The following ELAPOR2 variants were observed in gnomAD, a reference collection of about 807,000 sequenced individuals.
The protein encoded by ELAPOR2 is endosome-lysosome associated apoptosis and autophagy regulator family member 2, also known as endosome/lysosome-associated apoptosis and autophagy regulator family member 2.
In ELAPOR2, 89 loss-of-function variants were observed where a neutral mutation model predicts 120.7. The ratio of observed to expected loss-of-function variants is 0.74; its 90% confidence interval spans 0.62 to 0.88. ELAPOR2 has a LOEUF of 0.88. Among genes scored for constraint, ELAPOR2 ranks in the 40% least tolerant of loss-of-function variants. ELAPOR2 has a pLI of 0.00. For missense variants in ELAPOR2, 1,134 were observed against 1,251.6 expected, an observed-to-expected ratio of 0.91 and a Z score of 1.42; for synonymous variants, 444 against 444.9, an observed-to-expected ratio of 1.00 and a Z score of 0.03.
rs755803703 is a variant in ELAPOR2, at chr7:86,926,839, A to T, written c.1167T>A (p.Ser389=). 2.5e-6 allele frequency: 4 copies of T among 1,608,886 alleles called. No individual in the cohort carries two copies. In the African/African-American group the frequency reaches 5.4e-5, roughly 22 times the overall value. Residue 389 remains serine (S), a synonymous_variant, in exon 9 of 22, where the codon TCT becomes TCA. Coordinates refer to ENST00000450689, the MANE Select transcript of ELAPOR2 (RefSeq NM_001142749.3). ...DLTDAIRLPP[S]GEKKDCPPCN... is the part of the protein sequence containing the mutation. ...AAGGCGGACAATCCTTCTTCTCTCCAGAAGGGGGCAATCTAATAGCATCTG... is the reference window on the plus strand; with the variant it reads ...AAGGCGGACAATCCTTCTTCTCTCCTGAAGGGGGCAATCTAATAGCATCTG...
intron 20 of ELAPOR2, 100 bp downstream of exon 20, chr7:86,892,822 T>C: frequency 9.0e-7 from 1 of 1,108,342 alleles, no homozygotes; most frequent in Non-Finnish European, 1.2e-6. Flanking sequence ...TTCTTGTGTC[T>C]CTGAGAGAAT....
Position 87,043,934 on chromosome 7 carries a change from A to G in ELAPOR2, c.189+15391T>C, listed in dbSNP as rs887213079. On this transcript the variant is annotated intron_variant, in intron 1 of 21. Coordinates refer to ENST00000450689, the MANE Select transcript of ELAPOR2 (RefSeq NM_001142749.3). ...AAGTCTCAGGATACAAAATCAGTGTACAAAAATCACAAGCATTCTTATACA... is the reference window on the plus strand; with the variant it reads ...AAGTCTCAGGATACAAAATCAGTGTGCAAAAATCACAAGCATTCTTATACA... Among the ~76,000 whole-genome samples, 15 of 151,972 alleles carry G rather than the reference A, an allele frequency of 9.9e-5. No individual in the cohort carries two copies. In the South Asian group the frequency reaches 3.1e-3, roughly 32 times the overall value.
At chr7:86,889,018 G>A (rs1360362055) in intron 21 of ELAPOR2, among the ~76,000 whole-genome samples, 3 of 152,070 alleles carry the variant, frequency 2.0e-5, no homozygotes, top group Non-Finnish European at 4.4e-5. Context: ...AGTCATAAGA[G>A]ATCTTCAACT....
chr7:86,878,486 C>T lies in ELAPOR2; in HGVS notation c.*1985G>A, dbSNP rs575733625. 6.6e-6 allele frequency: 1 copy of T among 152,134 alleles called. No individual in the cohort carries two copies. The highest frequency in any genetic ancestry group is 1.5e-5 in the Non-Finnish European group (1 of 68,024). 9.4% of individuals were successfully genotyped at this position (152,134 alleles called of 1,614,324 possible). On this transcript the variant is annotated 3_prime_UTR_variant, in exon 22 of 22. Transcript: ENST00000450689. The stretch of plus-strand genomic sequence containing the variant: ...CATGTCAGAGATTTTAGTCCAGTGA[C>T]AGGAGAAGAAAGAAGCTACCTGGGA...
At chr7:87,043,204 C>A (rs999811105) in intron 1 of ELAPOR2, among the ~76,000 whole-genome samples, 7 of 151,634 alleles carry the variant, frequency 4.6e-5, no homozygotes, top group Non-Finnish European at 1.0e-4. Context: ...TGGTACCATT[C>A]CTTCTGAAAC....
chr7:86,924,479 A>T (rs568048769), intron 10 of ELAPOR2, among the ~76,000 whole-genome samples: 1 of 151,274 alleles, frequency 6.6e-6, no homozygotes, highest in Non-Finnish European at 1.5e-5. Flanking sequence ...ATAGGACTTA[A>T]TTTTCTCAAT....
intron 13 of ELAPOR2, among the ~76,000 whole-genome samples, chr7:86,913,976 T>C (rs568566545): frequency 2.6e-5 from 4 of 152,298 alleles, no homozygotes; most frequent in Non-Finnish European, 5.9e-5. Context: ...GATGGTTATC[T>C]TAACCTTCAT....
At chr7:86,913,899 C>T (rs551782486) in intron 13 of ELAPOR2, among the ~76,000 whole-genome samples, 61 of 152,164 alleles carry the variant, frequency 4.0e-4, no homozygotes, top group Non-Finnish European at 7.9e-4. Flanking sequence ...CTACTTAATG[C>T]TTTTTGTCTG....
chr7:87,001,537 C>T (rs1423159149), intron 1 of ELAPOR2, among the ~76,000 whole-genome samples: 1 of 152,096 alleles, frequency 6.6e-6, no homozygotes, highest in East Asian at 1.9e-4. Context: ...CTCAAAGATC[C>T]ACAACATCAA....
chr7:86,989,015 T>C (rs1264688329), intron 1 of ELAPOR2, among the ~76,000 whole-genome samples: 1 of 152,174 alleles, frequency 6.6e-6, no homozygotes, highest in Non-Finnish European at 1.5e-5. Context: ...CAACCTAACT[T>C]AGAGTATTAT....
At chr7:87,036,506 AC>A (rs1317119295) in intron 1 of ELAPOR2, among the ~76,000 whole-genome samples, 1 of 152,188 alleles carries the variant, frequency 6.6e-6, no homozygotes, top group Non-Finnish European at 1.5e-5. Flanking sequence ...TGAACTATTC[AC>A]AATAGCAAAG....
chr7:86,996,948 T>C (rs1437914127), intron 1 of ELAPOR2, among the ~76,000 whole-genome samples: 3 of 152,332 alleles, frequency 2.0e-5, no homozygotes, highest in Admixed American at 1.3e-4. Context: ...AGTGCCAATG[T>C]TAAGTATGAA....
chr7:86,909,264 C>A (rs1316057257), intron 16 of ELAPOR2, among the ~76,000 whole-genome samples: 1 of 151,930 alleles, frequency 6.6e-6, no homozygotes, highest in African/African-American at 2.4e-5. Flanking sequence ...ATTCCTAAGC[C>A]CCACTGTAGA....
chr7:86,935,866 AT>A (rs1192527060), intron 8 of ELAPOR2, among the ~76,000 whole-genome samples: 1 of 152,070 alleles, frequency 6.6e-6, no homozygotes, highest in East Asian at 1.9e-4. Context: ...GAATCTCTTA[AT>A]TAGGATTAGA....
intron 1 of ELAPOR2, among the ~76,000 whole-genome samples, chr7:87,040,424 G>C (rs373198681): frequency 6.6e-6 from 1 of 152,222 alleles, no homozygotes; most frequent in African/African-American, 2.4e-5. Context: ...CTGGAGATCT[G>C]AGAATGGGCA....
intron 8 of ELAPOR2, among the ~76,000 whole-genome samples, chr7:86,930,650 G>C (rs1214297354): frequency 6.6e-6 from 1 of 151,942 alleles, no homozygotes; most frequent in Non-Finnish European, 1.5e-5. Context: ...AGATGAAGAA[G>C]TTGTATAGCC....
chr7:86,926,417 G>A (rs1371376318), intron 9 of ELAPOR2, among the ~76,000 whole-genome samples: 1 of 151,948 alleles, frequency 6.6e-6, no homozygotes, highest in Non-Finnish European at 1.5e-5. Flanking sequence ...CAAGAAAATT[G>A]AGCTTCAAAA....
At chr7:86,969,426 A>G (rs978996064) in intron 1 of ELAPOR2, among the ~76,000 whole-genome samples, 14 of 152,222 alleles carry the variant, frequency 9.2e-5, no homozygotes, top group African/African-American at 3.4e-4. Context: ...ATTTTTATAT[A>G]CTGACATTAA....
At chr7:86,889,691 T>A (rs1322970915) in intron 21 of ELAPOR2, among the ~76,000 whole-genome samples, 1 of 152,036 alleles carries the variant, frequency 6.6e-6, no homozygotes, top group Admixed American at 6.6e-5. Context: ...CAGTTGACGG[T>A]GGGTAACTAA....
Sources: allele counts gnomAD v4.1 joint callset (sites outside exome capture counted in the v4.1 genomes callset), GRCh38; gene constraint gnomAD v4.1.1; transcripts MANE v1.5; gene names NCBI Gene and HGNC (gene_info 2026-07-23, HGNC 2026-07-21).